The following ITGB1 variants were observed in gnomAD, a reference collection of about 807,000 sequenced individuals.
The protein encoded by ITGB1 is integrin beta-1.
ITGB1 carries 24 observed loss-of-function variants against 86.5 expected under a neutral mutation model. That is an observed-to-expected ratio of 0.28 (90% confidence interval 0.20 to 0.39). ITGB1 has a LOEUF of 0.39. Ranked by LOEUF, ITGB1 falls within the 10% of genes least tolerant of loss-of-function variation. The probability of loss-of-function intolerance (pLI) is 1.00; values close to 1 mark genes in which losing one functional copy is unlikely to be tolerated. For missense variants in ITGB1, 556 were observed against 946.9 expected (o/e 0.59, Z 5.42); for synonymous variants, 323 against 316.8 (o/e 1.02, Z -0.21).
At chr10:32,922,234 G>C (rs2094952342) in intron 9 of ITGB1, 23 bp downstream of exon 9, 1 of 1,415,738 alleles carries the variant, frequency 7.1e-7, no homozygotes, top group East Asian at 2.4e-5. Flanking sequence ...GTCCAAAACT[G>C]ATCTTATTTA....
At chr10:32,956,913 G>C (rs1409150833) in intron 1 of ITGB1, among the ~76,000 whole-genome samples, 2 of 152,106 alleles carry the variant, frequency 1.3e-5, no homozygotes. Flanking sequence ...TTGATTTTCA[G>C]AACTATAGTT....
intron 11 of ITGB1, among the ~76,000 whole-genome samples, chr10:32,917,077 A>C (rs2094934242): frequency 6.6e-6 from 1 of 152,248 alleles, no homozygotes; most frequent in Non-Finnish European, 1.5e-5. Flanking sequence ...ACCTGACAAA[A>C]ACAAGAAATG....
intron 1 of ITGB1, among the ~76,000 whole-genome samples, chr10:32,955,152 T>C (rs1386351987): frequency 3.9e-5 from 6 of 152,220 alleles, no homozygotes; most frequent in South Asian, 2.1e-4. Context: ...AAGACGAATG[T>C]ACCTTTCTGT....
At position 32,922,328 on chromosome 10, in the gene ITGB1, G is replaced by C. The variant is rs764939409; in HGVS notation, c.1057C>G (p.Pro353Ala). ...PVYKELKNLI[P>A]KSAVGTLSAN... ...GATAATGTTCCTACTGCTGACTTAG[G>C]GATCAAGTTTTTCAGCTCCTGCAAT... Residue 353 changes from proline (P) to alanine (A), a missense_variant, in exon 9 of 16, where the codon CCT becomes GCT. This residue lies in a region of ITGB1 where 330 missense variants were observed against 531.5 expected (regional missense o/e 0.62). Transcript: ENST00000302278. The C allele has an allele frequency of 6.2e-7, 1 of 1,608,284 alleles. No individual in the cohort carries two copies. Among genetic ancestry groups the C allele is most frequent in the South Asian group, 1.1e-5 (1 of 90,088 alleles).
Position 32,928,233 on chromosome 10 carries a change from C to T in ITGB1, c.408G>A (p.Lys136=), listed in dbSNP as rs769461666. 7 of 911,846 alleles carry T rather than the reference C, an allele frequency of 7.7e-6. No homozygotes were observed. Among genetic ancestry groups the T allele is most frequent in the Middle Eastern group, 4.3e-4 (2 of 4,698 alleles). The allele number at this position is 911,846 out of a possible 1,614,324, so 56.5% of individuals were successfully genotyped here. ...GEPQTFTLKF[K]RAEDYPIDLY... ...GGTCAATGGGATAGTCTTCAGCTCT[C>T]TTGAATTTTAATGTAAATGTCTGTG... is the stretch of plus-strand genomic sequence containing the variant. The change falls in exon 5 of 16, where the codon AAG becomes AAA. Residue 136 remains lysine, a synonymous_variant. Transcript: ENST00000302278.
rs1170722658 is a variant in ITGB1 at position 32,930,063 on chromosome 10, A to G, written c.154-19T>C. Reference sequence around the variant, plus strand: ...AAAATGTCTAAATGACATATAAAATATAGGTATAAATGAAAATTGTAATGG... The same window carrying G: ...AAAATGTCTAAATGACATATAAAATGTAGGTATAAATGAAAATTGTAATGG... On this transcript the variant is annotated intron_variant, in intron 3 of 15. Transcript: ENST00000302278. 1.2e-6 allele frequency: 1 copy of G among 851,628 alleles called. No homozygotes were observed. The highest frequency in any genetic ancestry group is 1.7e-5 in the African/African-American group (1 of 59,670). The allele number at this position is 851,628 out of a possible 1,614,324, so 52.8% of individuals were successfully genotyped here. A position where few individuals can be genotyped will look rare whatever the true frequency, so the allele number is the denominator to read the frequency against.
intron 1 of ITGB1, among the ~76,000 whole-genome samples, chr10:32,950,309 G>A (rs1269066129): frequency 6.6e-6 from 1 of 152,064 alleles, no homozygotes; most frequent in African/African-American, 2.4e-5. Context: ...TAATAAAAAC[G>A]AGAAAAACAT....
chr10:32,916,706 G>A (rs2094932722), intron 11 of ITGB1, among the ~76,000 whole-genome samples: 1 of 152,166 alleles, frequency 6.6e-6, no homozygotes, highest in Non-Finnish European at 1.5e-5. Flanking sequence ...TCAAACAAAT[G>A]GAAGAACATT....
chr10:32,952,708 A>G (rs998199054), intron 1 of ITGB1, among the ~76,000 whole-genome samples: 1 of 152,014 alleles, frequency 6.6e-6, no homozygotes, highest in African/African-American at 2.4e-5. Context: ...CACTGAAACT[A>G]TACTCCCTAC....
At chr10:32,910,044 T>C (rs2030955559) in intron 14 of ITGB1, among the ~76,000 whole-genome samples, 179 bp downstream of exon 14, 1 of 152,206 alleles carries the variant, frequency 6.6e-6, no homozygotes. Flanking sequence ...AGTGGAACTC[T>C]CTTTTCCTTA....
chr10:32,939,722 AAGTGAGTG>A (rs3035177), intron 1 of ITGB1, among the ~76,000 whole-genome samples: 51,028 of 149,648 alleles, frequency 0.34, 9,335 homozygotes, highest in East Asian at 0.54. Context: ...CTGGGTGGGT[AAGTGAGTG>A]AGTGAGTGAG....
intron 1 of ITGB1, among the ~76,000 whole-genome samples, chr10:32,937,802 C>A (rs1177704185): frequency 6.6e-6 from 1 of 152,114 alleles, no homozygotes; most frequent in Non-Finnish European, 1.5e-5. Flanking sequence ...AACTGTAGCA[C>A]AATTTAACTG....
intron 1 of ITGB1, among the ~76,000 whole-genome samples, chr10:32,943,210 T>C (rs1389188167): frequency 2.0e-5 from 3 of 152,152 alleles, no homozygotes; most frequent in South Asian, 4.1e-4. Flanking sequence ...AACTTATAGA[T>C]AGATATAAAA....
intron 6 of ITGB1, among the ~76,000 whole-genome samples, chr10:32,924,586 C>T (rs910415592): frequency 2.6e-5 from 4 of 152,134 alleles, no homozygotes; most frequent in African/African-American, 9.7e-5. Flanking sequence ...AGAAAAACAG[C>T]CACAATCAAG....
intron 12 of ITGB1, 33 bp downstream of exon 12, chr10:32,911,853 A>G (rs1446129587): frequency 6.4e-7 from 1 of 1,555,230 alleles, no homozygotes; most frequent in African/African-American, 1.4e-5. Context: ...AGATGGGATC[A>G]CATCTTACAA....
chr10:32,923,805 T>C (rs41276072), intron 6 of ITGB1, 65 bp from the exon 7 acceptor site: 13,485 of 1,323,386 alleles, frequency 0.01, 99 homozygotes, highest in Middle Eastern at 0.035. Flanking sequence ...AATCCTTTAA[T>C]TTTCATATAG....
At position 32,928,241 on chromosome 10, in the gene ITGB1, T is replaced by G; in HGVS notation, c.400A>C (p.Lys134Gln). 1 of 895,378 alleles carries G rather than the reference T, an allele frequency of 1.1e-6. No individual in the cohort carries two copies. The highest frequency in any genetic ancestry group is 1.9e-6 in the Non-Finnish European group (1 of 527,190). The allele number at this position is 895,378 out of a possible 1,614,324, so 55.5% of individuals were successfully genotyped here. ...RSGEPQTFTL[K>Q]FKRAEDYPID... ...GGATAGTCTTCAGCTCTCTTGAATT[T>G]TAATGTAAATGTCTGTGGCTCCCCT... The change falls in exon 5 of 16, where the codon AAA (lysine) becomes CAA (glutamine). Residue 134 changes from lysine (K) to glutamine (Q), a missense_variant. This residue lies in a region of ITGB1 where 183 missense variants were observed against 263.9 expected (regional missense o/e 0.69). Coordinates refer to ENST00000302278, the MANE Select transcript of ITGB1 (RefSeq NM_002211.4).
intron 14 of ITGB1, 78 bp from the exon 15 acceptor site, chr10:32,908,612 CCAAGAGAGTGAACGCACA>C: frequency 8.1e-7 from 1 of 1,241,012 alleles, no homozygotes. Context: ...GAATAAACAC[CCAAGAGAGTGAACGCACA>C]CTATCCCAAA....
At chr10:32,953,701 G>A (rs1168600116) in intron 1 of ITGB1, 1 of 152,186 alleles carries the variant, frequency 6.6e-6, no homozygotes, top group Non-Finnish European at 1.5e-5. Context: ...ACAGTACTCT[G>A]ACAAAGGTCA....
Sources: allele counts gnomAD v4.1 joint callset (sites outside exome capture counted in the v4.1 genomes callset), GRCh38; gene constraint gnomAD v4.1.1; regional missense constraint gnomAD v4.1.1; transcripts MANE v1.5; gene names NCBI Gene and HGNC (gene_info 2026-07-23, HGNC 2026-07-21).